The following ZNF479 variants were observed in gnomAD, a reference collection of about 807,000 sequenced individuals.
The protein encoded by ZNF479 is zinc finger protein 479.
A neutral mutation model predicts 14.7 loss-of-function variants in ZNF479; 15 were observed. That is an observed-to-expected ratio of 1.02 (90% CI 0.68 to 1.57). The LOEUF (loss-of-function observed/expected upper bound fraction) is 1.57. Ranked by LOEUF, ZNF479 falls within the 40% of genes most tolerant of loss-of-function variation. The pLI is 0.00. For synonymous variants in ZNF479, 145 were observed against 211.5 expected (o/e 0.69, Z 2.73); for missense variants, 506 against 615.1 (o/e 0.82, Z 1.88).
chr7:57,126,012 A>T lies in ZNF479; in HGVS notation c.262+6T>A. ...TGTCTCATCTGCTTCATTCGCTCTC[A>T]CCTACCTGGGTGTTTGGCTACCATC... On this transcript the variant is annotated splice_donor_region_variant and intron_variant, in intron 3 of 3. Transcript: ENST00000319636. The T allele has an allele frequency of 1.2e-6, 2 of 1,603,034 alleles. No individual in the cohort carries two copies.
At chr7:57,135,792 C>T (rs1240076665), upstream of ZNF479, among the ~76,000 whole-genome samples, 1 of 152,026 alleles carries the variant, frequency 6.6e-6, no homozygotes, top group Non-Finnish European at 1.5e-5. Context: ...AATCATGGAA[C>T]ATGTGGAGAT....
rs571217986 is a variant in ZNF479, at chr7:57,119,145, A to T, written c.*695T>A. 6.6e-6 allele frequency among the ~76,000 whole-genome samples: 1 copy of T among 152,314 alleles called. No individual in the cohort carries two copies. Among genetic ancestry groups the T allele is most frequent in the Admixed American group, 6.5e-5 (1 of 15,292 alleles). ...TCAGGTTTGAGGACTTTTTAAAGAC[A>T]TTACCATATTCCTTATTGTAGGGTT... On this transcript the variant is annotated 3_prime_UTR_variant, in exon 4 of 4. Transcript: ENST00000319636.
upstream of ZNF479, among the ~76,000 whole-genome samples, chr7:57,136,382 TC>T (rs1786655270): frequency 6.7e-6 from 1 of 150,042 alleles, no homozygotes; most frequent in Non-Finnish European, 1.5e-5. Context: ...AGACTCCATC[TC>T]AAAAAAAAAA....
chr7:57,123,567 C>T (rs914969231), intron 3 of ZNF479, among the ~76,000 whole-genome samples: 1 of 152,132 alleles, frequency 6.6e-6, no homozygotes, highest in African/African-American at 2.4e-5. Context: ...GGTGCAGTGG[C>T]TCACAGGTGT....
At chr7:57,130,643 T>C (rs1204580263) in intron 1 of ZNF479, among the ~76,000 whole-genome samples, 1 of 152,214 alleles carries the variant, frequency 6.6e-6, no homozygotes, top group Non-Finnish European at 1.5e-5. Flanking sequence ...AGAAATTGAA[T>C]GCTTATATGC....
At chr7:57,139,676 C>G (rs1257486185) in exon 1 of ZNF479, 1 of 152,186 alleles carries the variant, frequency 6.6e-6, no homozygotes, top group Non-Finnish European at 1.5e-5. Flanking sequence ...TGTAATGTAT[C>G]TCTGGACCAA....
chr7:57,136,077 CT>C (rs1786643698), upstream of ZNF479, among the ~76,000 whole-genome samples: 1 of 150,970 alleles, frequency 6.6e-6, no homozygotes, highest in Non-Finnish European at 1.5e-5. Flanking sequence ...CATGTTGAAA[CT>C]TCCAGTCAGA....
intron 1 of ZNF479, chr7:57,127,499 A>G: frequency 1.0e-6 from 1 of 967,780 alleles, no homozygotes; most frequent in Non-Finnish European, 1.2e-6. Flanking sequence ...TGAATTTCTG[A>G]ATTTTTAGCA....
At chr7:57,137,360 T>C (rs1786697327), upstream of ZNF479, among the ~76,000 whole-genome samples, 1 of 152,182 alleles carries the variant, frequency 6.6e-6, no homozygotes, top group Non-Finnish European at 1.5e-5. Context: ...GAGTGGGGTT[T>C]CACTATGTTG....
At chr7:57,133,741 C>T (rs1359573247), upstream of ZNF479, among the ~76,000 whole-genome samples, 1 of 152,074 alleles carries the variant, frequency 6.6e-6, no homozygotes, top group African/African-American at 2.4e-5. Flanking sequence ...TGACAGGCAT[C>T]TGCAATCTCA....
chr7:57,132,643 G>A (rs546902527), upstream of ZNF479, among the ~76,000 whole-genome samples: 19 of 152,260 alleles, frequency 1.2e-4, no homozygotes, highest in South Asian at 1.5e-3. Context: ...TTCCTCGATC[G>A]GAGCCAGGCC....
chr7:57,133,233 G>A (rs1428175475), upstream of ZNF479, among the ~76,000 whole-genome samples: 2 of 152,176 alleles, frequency 1.3e-5, no homozygotes, highest in East Asian at 3.9e-4. Flanking sequence ...TCTGGTGGTA[G>A]TAAGGGAGCT....
At chr7:57,135,143 T>A (rs1786590659), upstream of ZNF479, among the ~76,000 whole-genome samples, 1 of 152,176 alleles carries the variant, frequency 6.6e-6, no homozygotes, top group Non-Finnish European at 1.5e-5. Context: ...TTTTTGTAAG[T>A]GGTGGCATAC....
Position 57,121,069 on chromosome 7 carries a change from C to T in ZNF479, c.346G>A (p.Gly116Arg), listed in dbSNP as rs1219921652. The change falls in exon 4 of 4, where the codon GGA becomes AGA. Residue 116 changes from glycine to arginine, a missense_variant. Around this residue, in one of 3 missense-constraint regions of ZNF479, gnomAD observed 420 missense variants for 474.2 expected, o/e 0.89. Coordinates refer to ENST00000319636, the MANE Select transcript of ZNF479 (RefSeq NM_001370129.2). Reference sequence around the variant, plus strand: ...TGTAATTTCTCATGTCCACATTTTCCATATGTTCTTGGTATTACTTTTTGG... The same window carrying T: ...TGTAATTTCTCATGTCCACATTTTCTATATGTTCTTGGTATTACTTTTTGG... ...SLQKVIPRTY[G>R]KCGHEKLQFK... 1.2e-6 allele frequency: 2 copies of T among 1,613,780 alleles called. No individual in the cohort carries two copies. The highest frequency in any genetic ancestry group is 1.7e-6 in the Non-Finnish European group (2 of 1,179,884).
chr7:57,137,891 C>T (rs143907717), intron 1 of ZNF479, among the ~76,000 whole-genome samples: 1 of 152,264 alleles, frequency 6.6e-6, no homozygotes, highest in Non-Finnish European at 1.5e-5. Context: ...AGGACCATCA[C>T]CTATGTTATG....
At chr7:57,135,295 TAG>T, upstream of ZNF479, among the ~76,000 whole-genome samples, 1 of 152,332 alleles carries the variant, frequency 6.6e-6, no homozygotes, top group Non-Finnish European at 1.5e-5. Context: ...TTAGAAAAGT[TAG>T]AGTCTTTCCT....
intron 3 of ZNF479, among the ~76,000 whole-genome samples, chr7:57,123,429 C>A (rs1486194307): frequency 2.6e-5 from 4 of 152,314 alleles, no homozygotes; most frequent in African/African-American, 9.6e-5. Flanking sequence ...ATATCACAAA[C>A]CAAATAGGCT....
chr7:57,120,959 G>A lies in ZNF479; in HGVS notation c.456C>T (p.Thr152=). Residue 152 remains threonine (T), a synonymous_variant, in exon 4 of 4, where the codon ACC becomes ACT. Transcript: ENST00000319636. ...YSEVNQCLST[T]QNKIFQTHKY... is the part of the protein sequence containing the mutation. ...TATGAGTCTGAAATATTTTGTTTTG[G>A]GTAGTTGACAAACATTGGTTAACTT... The A allele has an allele frequency of 6.2e-7, 1 of 1,613,956 alleles. No individual in the cohort carries two copies. The highest frequency in any genetic ancestry group is 8.5e-7 in the Non-Finnish European group (1 of 1,180,006).
At chr7:57,124,609 A>T (rs1314801103) in intron 3 of ZNF479, among the ~76,000 whole-genome samples, 3 of 152,228 alleles carry the variant, frequency 2.0e-5, no homozygotes, top group Non-Finnish European at 4.4e-5. Context: ...GAAAAATTTA[A>T]TTGGGCTAAA....
Sources: allele counts gnomAD v4.1 joint callset (sites outside exome capture counted in the v4.1 genomes callset), GRCh38; gene constraint gnomAD v4.1.1; regional missense constraint gnomAD v4.1.1; transcripts MANE v1.5; gene names NCBI Gene and HGNC (gene_info 2026-07-23, HGNC 2026-07-21).